NEMP2: variants seen among roughly 807,000 people sequenced by gnomAD.
The protein encoded by NEMP2 is nuclear envelope integral membrane protein 2, also known as UPF0571 transmembrane protein.
Under a neutral mutation model 54.2 loss-of-function variants are expected in NEMP2, and 53 were observed. That is an observed-to-expected ratio of 0.98 (90% confidence interval 0.78 to 1.23). The LOEUF is 1.23. NEMP2 is among the 50% of genes most tolerant of loss of function. NEMP2 has a pLI of 0.00. For synonymous variants in NEMP2, 197 were observed against 190.3 expected, an observed-to-expected ratio of 1.04 and a Z score of -0.29; for missense variants, 455 against 511.3, an observed-to-expected ratio of 0.89 and a Z score of 1.06.
At position 190,522,933 on chromosome 2, in the gene NEMP2, G is replaced by A. The variant is rs1455508018; in HGVS notation, c.213+2330C>T. On this transcript the variant is annotated intron_variant, in intron 2 of 8. Transcript: ENST00000409150. The surrounding 1 kb of genome is among the most constrained non-coding windows in gnomAD (Gnocchi z 5.0). Reference sequence around the variant, plus strand: ...TATACCTTAAATGTATTTGATTAATGTCTCATGTCTCCCTAAAATATGTAA... The same window carrying A: ...TATACCTTAAATGTATTTGATTAATATCTCATGTCTCCCTAAAATATGTAA... Among the ~76,000 whole-genome samples the A allele has an allele frequency of 2.0e-5, 3 of 152,114 alleles. No individual in the cohort carries two copies. Among genetic ancestry groups the A allele is most frequent in the African/African-American group, 7.2e-5 (3 of 41,418 alleles).
chr2:190,516,260 A>C lies in NEMP2; in HGVS notation c.727+10T>G. On this transcript the variant is annotated intron_variant, in intron 6 of 8. Coordinates refer to ENST00000409150, the MANE Select transcript of NEMP2 (RefSeq NM_001142645.2). ...CAATCACAGAGCATATTGTTTTTCT[A>C]TTTACCTACCTAATACATATATCCT... is the stretch of plus-strand genomic sequence containing the variant. 1 of 1,532,286 alleles carries C rather than the reference A, an allele frequency of 6.5e-7. No individual in the cohort carries two copies. The highest frequency in any genetic ancestry group is 8.8e-7 in the Non-Finnish European group (1 of 1,134,154). The allele number at this position is 1,532,286 out of a possible 1,614,324, so 94.9% of individuals were successfully genotyped here. A position where few individuals can be genotyped will look rare whatever the true frequency, so the allele number is the denominator to read the frequency against.
At chr2:190,613,822 TC>T in the NEMP2 span, among the ~76,000 whole-genome samples, 1 of 151,990 alleles carries the variant, frequency 6.6e-6, no homozygotes, top group African/African-American at 2.4e-5. Flanking sequence ...ACTCCTGACT[TC>T]AGGTGATCTG....
At chr2:190,640,363 T>G in the NEMP2 span, among the ~76,000 whole-genome samples, 1 of 150,156 alleles carries the variant, frequency 6.7e-6, no homozygotes, top group Non-Finnish European at 1.5e-5. Flanking sequence ...CCAGCAATGA[T>G]GAGCCCCTAA....
chr2:190,602,026 CAGATAAAACCCTG>C, the NEMP2 span, among the ~76,000 whole-genome samples: 9 of 152,232 alleles, frequency 5.9e-5, no homozygotes, highest in East Asian at 1.2e-3. Flanking sequence ...AATGAACACA[CAGATAAAACCCTG>C]ACTAATTTGA....
At chr2:190,570,499 T>G in the NEMP2 span, among the ~76,000 whole-genome samples, 1 of 152,238 alleles carries the variant, frequency 6.6e-6, no homozygotes, top group Admixed American at 6.5e-5. The surrounding 1 kb of genome is among the most constrained non-coding windows in gnomAD (Gnocchi z 5.4). Context: ...CTTTTGCTCT[T>G]ACATGGCCAA....
At chr2:190,534,924 C>A (rs1460292338), upstream of NEMP2, 7 of 318,874 alleles carry the variant, frequency 2.2e-5, no homozygotes, top group Non-Finnish European at 3.4e-5. Flanking sequence ...GCCTCGGCCT[C>A]GGCCTTGGCC....
At chr2:190,442,559 C>T in the NEMP2 span, 1 of 152,006 alleles carries the variant, frequency 6.6e-6, no homozygotes, top group African/African-American at 2.4e-5. Flanking sequence ...AGAGACGGTA[C>T]AGGCCTGAAC....
At chr2:190,584,103 T>G in the NEMP2 span, among the ~76,000 whole-genome samples, 6 of 152,268 alleles carry the variant, frequency 3.9e-5, no homozygotes, top group Non-Finnish European at 8.8e-5. The surrounding 1 kb of genome is among the most constrained non-coding windows in gnomAD (Gnocchi z 4.2). Flanking sequence ...TTGTTAAAAG[T>G]GCAACTTTGT....
the NEMP2 span, chr2:190,625,991 C>G: frequency 6.4e-6 from 1 of 155,268 alleles, no homozygotes; most frequent in Non-Finnish European, 1.4e-5. Flanking sequence ...TTAAACTACA[C>G]TTACTTCTCA....
At chr2:190,422,851 T>C in the NEMP2 span, among the ~76,000 whole-genome samples, 1 of 152,200 alleles carries the variant, frequency 6.6e-6, no homozygotes. Flanking sequence ...TCCTGGGAGA[T>C]GCTATATCTG....
chr2:190,496,695 C>CAATGGA, the NEMP2 span, among the ~76,000 whole-genome samples: 6 of 151,526 alleles, frequency 4.0e-5, no homozygotes, highest in African/African-American at 1.5e-4. The surrounding 1 kb of genome is among the most constrained non-coding windows in gnomAD (Gnocchi z 4.7). Context: ...CACACACACA[C>CAATGGA]ATATACATAC....
At chr2:190,471,353 G>C in the NEMP2 span, among the ~76,000 whole-genome samples, 73 of 152,306 alleles carry the variant, frequency 4.8e-4, 1 homozygote, top group Middle Eastern at 6.8e-3. The surrounding 1 kb of genome is among the most constrained non-coding windows in gnomAD (Gnocchi z 4.7). Context: ...GAGGAAAGGG[G>C]TGAGAGATGG....
At chr2:190,555,470 A>G in the NEMP2 span, among the ~76,000 whole-genome samples, 1 of 152,096 alleles carries the variant, frequency 6.6e-6, no homozygotes, top group East Asian at 1.9e-4. This position sits in a 1 kb window ranked among gnomAD's most constrained non-coding sequence, Gnocchi z 4.8. Flanking sequence ...TTTAGAGAAG[A>G]ACACAAATGA....
intron 4 of NEMP2, among the ~76,000 whole-genome samples, chr2:190,517,860 A>G (rs1690615411): frequency 6.6e-6 from 1 of 152,248 alleles, no homozygotes; most frequent in African/African-American, 2.4e-5. Context: ...ATCAGACAAT[A>G]ATTACTGAAC....
In NEMP2 at chr2:190,525,738, G is replaced by A. The variant is rs1265175616; in HGVS notation, c.98-360C>T. Among the ~76,000 whole-genome samples the A allele has an allele frequency of 6.6e-6, 1 of 152,172 alleles. No individual in the cohort carries two copies. The highest frequency in any genetic ancestry group is 1.5e-5 in the Non-Finnish European group (1 of 68,026). On this transcript the variant is annotated intron_variant, in intron 1 of 8. Transcript: ENST00000409150. The surrounding 1 kb of genome is among the most constrained non-coding windows in gnomAD (Gnocchi z 5.0). ...ATAAGACAGAAACTAGGAGGTGGGAGTGGGGGTGGGCAGAACCAGCAAGTA... is the reference window on the plus strand; with the variant it reads ...ATAAGACAGAAACTAGGAGGTGGGAATGGGGGTGGGCAGAACCAGCAAGTA...
At chr2:190,581,300 T>A in the NEMP2 span, among the ~76,000 whole-genome samples, 1 of 152,216 alleles carries the variant, frequency 6.6e-6, no homozygotes, top group Non-Finnish European at 1.5e-5. Flanking sequence ...CCAGAAACTA[T>A]TTCCCATTAT....
the NEMP2 span, among the ~76,000 whole-genome samples, chr2:190,428,854 A>G: frequency 4.0e-5 from 6 of 151,594 alleles, no homozygotes; most frequent in Admixed American, 2.0e-4. Context: ...TTTAGTTTTA[A>G]TAGAGATGGG....
At chr2:190,624,886 T>C in the NEMP2 span, 1 of 152,152 alleles carries the variant, frequency 6.6e-6, no homozygotes, top group Non-Finnish European at 1.5e-5. Flanking sequence ...ATTAGGGTAA[T>C]GCAAACCAAA....
chr2:190,492,389 G>A, the NEMP2 span, among the ~76,000 whole-genome samples: 1 of 152,198 alleles, frequency 6.6e-6, no homozygotes, highest in African/African-American at 2.4e-5. The surrounding 1 kb of genome is among the most constrained non-coding windows in gnomAD (Gnocchi z 5.2). Context: ...CTTAAGAGCT[G>A]TGAGGCAAAA....
Sources: gnomAD v4.1 joint callset for allele counts (sites outside exome capture counted in the v4.1 genomes callset) on GRCh38, gnomAD v4.1.1 for gene constraint, Gnocchi (gnomAD v3.1) non-coding constraint, MANE v1.5 for transcripts, NCBI Gene and HGNC (gene_info 2026-07-23, HGNC 2026-07-21) for gene names.